Variants in AP3B1 observed in about 807,000 individuals in gnomAD.
The protein encoded by AP3B1 is adaptor related protein complex 3 subunit beta 1.
Under a neutral mutation model 132.5 loss-of-function variants are expected in AP3B1, and 61 were observed. The ratio of observed to expected loss-of-function variants is 0.46; its 90% CI spans 0.37 to 0.57. AP3B1 has a LOEUF of 0.57. AP3B1 is among the 20% of genes least tolerant of loss of function. The pLI is 0.00. For synonymous variants in AP3B1, 388 were observed against 438.3 expected (o/e 0.89, Z 1.43); for missense variants, 1,120 against 1,289.4 (o/e 0.87, Z 2.01).
At chr5:78,146,776 T>A (rs1455179102) in intron 14 of AP3B1, among the ~76,000 whole-genome samples, 1 of 152,158 alleles carries the variant, frequency 6.6e-6, no homozygotes, top group Admixed American at 6.5e-5. Context: ...TTCCTGGGTT[T>A]TAGAAAAAAG....
At chr5:78,114,521 C>A (rs185978404) in intron 18 of AP3B1, among the ~76,000 whole-genome samples, 1 of 152,118 alleles carries the variant, frequency 6.6e-6, no homozygotes, top group Non-Finnish European at 1.5e-5. Flanking sequence ...AGGAATTATA[C>A]TTTTAAATGT....
At chr5:78,277,353 A>C (rs1030808744) in intron 1 of AP3B1, among the ~76,000 whole-genome samples, 2 of 152,094 alleles carry the variant, frequency 1.3e-5, no homozygotes, top group Non-Finnish European at 2.9e-5. Context: ...ACAAACAAGG[A>C]ATTGGTGGGA....
intron 6 of AP3B1, among the ~76,000 whole-genome samples, chr5:78,223,796 T>C (rs1372492727): frequency 6.6e-6 from 1 of 152,228 alleles, no homozygotes; most frequent in Non-Finnish European, 1.5e-5. Context: ...TTGGTACATA[T>C]ACTATGTGGC....
chr5:78,143,127 C>A (rs186843381), intron 14 of AP3B1, among the ~76,000 whole-genome samples: 59 of 152,038 alleles, frequency 3.9e-4, no homozygotes, highest in Middle Eastern at 3.4e-3. Context: ...GTATAAAAAT[C>A]AGAATTCTAT....
chr5:78,061,182 T>C (rs1392387333), intron 22 of AP3B1, among the ~76,000 whole-genome samples: 2 of 151,304 alleles, frequency 1.3e-5, no homozygotes, highest in Non-Finnish European at 2.9e-5. Context: ...CCCTCATTGA[T>C]CAAAAGACTG....
intron 13 of AP3B1, among the ~76,000 whole-genome samples, chr5:78,158,264 C>T (rs1413673304): frequency 6.6e-6 from 1 of 151,952 alleles, no homozygotes; most frequent in Non-Finnish European, 1.5e-5. Context: ...TTGAGACCAG[C>T]CTGGGCAACA....
intron 22 of AP3B1, among the ~76,000 whole-genome samples, chr5:78,063,052 A>G (rs779855576): frequency 2.8e-4 from 43 of 152,320 alleles, no homozygotes; most frequent in Non-Finnish European, 4.9e-4. Flanking sequence ...CTTAAATACT[A>G]TTTTGTAGAG....
rs116818006 is a variant in AP3B1, at chr5:78,029,565, G to T, written c.2894+4796C>A. 1.5e-3 allele frequency among the ~76,000 whole-genome samples: 225 copies of T among 152,284 alleles called. 2 individuals carry two copies. Among genetic ancestry groups the T allele is most frequent in the Admixed American group, 4.4e-3 (67 of 15,298 alleles). ...AATTGTGAAAACTAGTATGTGTGGT[G>T]TGCATGGCCTCTCCAGCCACCTTTT... On this transcript the variant is annotated intron_variant, in intron 24 of 26. Coordinates refer to ENST00000255194, the MANE Select transcript of AP3B1 (RefSeq NM_003664.5).
intron 12 of AP3B1, among the ~76,000 whole-genome samples, chr5:78,165,266 T>C (rs1743565502): frequency 6.6e-6 from 1 of 152,054 alleles, no homozygotes; most frequent in Non-Finnish European, 1.5e-5. Context: ...AACAACCAGG[T>C]AAGAAATGAA....
At position 78,041,689 on chromosome 5, in the gene AP3B1, A is replaced by C. The variant is rs547078387; in HGVS notation, c.2578-2415T>G. Among the ~76,000 whole-genome samples, 53 of 152,288 alleles carry C rather than the reference A, an allele frequency of 3.5e-4. 1 individual carries two copies. Among genetic ancestry groups the C allele is most frequent in the Middle Eastern group, 6.8e-3 (2 of 294 alleles). On this transcript the variant is annotated intron_variant, in intron 22 of 26. Coordinates refer to ENST00000255194, the MANE Select transcript of AP3B1 (RefSeq NM_003664.5). ...AAATAATAGGGCTACTGGCCTATTC[A>C]TTCTATTTAAGCCTTCTGATGATGA...
At chr5:78,274,612 T>A (rs111445568) in intron 1 of AP3B1, among the ~76,000 whole-genome samples, 3 of 151,960 alleles carry the variant, frequency 2.0e-5, no homozygotes, top group African/African-American at 7.2e-5. Flanking sequence ...CAAGAAACAA[T>A]GAGAAAAATC....
intron 1 of AP3B1, among the ~76,000 whole-genome samples, chr5:78,293,056 T>G (rs1749602035): frequency 6.6e-6 from 1 of 152,058 alleles, no homozygotes; most frequent in Admixed American, 6.5e-5. Context: ...TTTTTGTATT[T>G]TTAGTAGAGA....
chr5:78,148,073 A>T (rs1257562962), intron 14 of AP3B1, among the ~76,000 whole-genome samples: 1 of 152,062 alleles, frequency 6.6e-6, no homozygotes, highest in Non-Finnish European at 1.5e-5. Context: ...AGAAAAAGAA[A>T]GTTTACACAT....
intron 6 of AP3B1, among the ~76,000 whole-genome samples, chr5:78,217,142 A>T (rs1012697183): frequency 1.3e-5 from 2 of 152,156 alleles, no homozygotes; most frequent in Non-Finnish European, 2.9e-5. Flanking sequence ...AATTTCCCCA[A>T]TGACTTAAAA....
At chr5:78,033,467 A>G (rs1489823624) in intron 24 of AP3B1, among the ~76,000 whole-genome samples, 2 of 152,070 alleles carry the variant, frequency 1.3e-5, no homozygotes, top group Non-Finnish European at 2.9e-5. Flanking sequence ...TATGAAAATG[A>G]AAAGTTCACT....
At chr5:78,102,844 C>T (rs1228426432) in intron 20 of AP3B1, among the ~76,000 whole-genome samples, 1 of 152,086 alleles carries the variant, frequency 6.6e-6, no homozygotes, top group Non-Finnish European at 1.5e-5. Flanking sequence ...ATTTCTACTT[C>T]ACAGCCAAGA....
chr5:78,249,877 C>A (rs1246998372), intron 2 of AP3B1, among the ~76,000 whole-genome samples: 2 of 152,258 alleles, frequency 1.3e-5, no homozygotes, highest in African/African-American at 2.4e-5. Flanking sequence ...CCGTGTCCGG[C>A]CACAAACTGA....
intron 21 of AP3B1, among the ~76,000 whole-genome samples, chr5:78,095,003 A>C (rs1040360750): frequency 6.6e-6 from 1 of 152,134 alleles, no homozygotes; most frequent in African/African-American, 2.4e-5. Context: ...CTTAAACTCA[A>C]CTCAAAAGTT....
chr5:78,046,781 C>A (rs1278703942), intron 22 of AP3B1, among the ~76,000 whole-genome samples: 2 of 151,916 alleles, frequency 1.3e-5, no homozygotes, highest in Admixed American at 1.3e-4. Context: ...TATACACGTG[C>A]CAAGGTGGTT....
Sources: gnomAD v4.1 joint callset for allele counts (sites outside exome capture counted in the v4.1 genomes callset) on GRCh38, gnomAD v4.1.1 for gene constraint, MANE v1.5 for transcripts, NCBI Gene and HGNC (gene_info 2026-07-23, HGNC 2026-07-21) for gene names.